The following LRRC27 variants were observed in gnomAD, a reference collection of about 807,000 sequenced individuals.
The protein encoded by LRRC27 is leucine rich repeat containing 27, also known as leucine-rich repeat-containing protein 27.
A neutral mutation model predicts 55.0 loss-of-function variants in LRRC27; 57 were observed. The observed-to-expected ratio is 1.04, with a 90% CI of 0.84 to 1.29. LRRC27 has a LOEUF of 1.29. Ranked by LOEUF, LRRC27 falls within the 50% of genes most tolerant of loss-of-function variation. The probability of loss-of-function intolerance (pLI) is 0.00; values close to 1 mark genes in which losing one functional copy is unlikely to be tolerated. For synonymous variants in LRRC27, 278 were observed against 251.9 expected (o/e 1.10, Z -0.98); for missense variants, 721 against 651.5 (o/e 1.11, Z -1.16).
chr10:132,363,634 C>T (rs1223015016), intron 9 of LRRC27, among the ~76,000 whole-genome samples: 1 of 152,204 alleles, frequency 6.6e-6, no homozygotes, highest in Non-Finnish European at 1.5e-5. Context: ...CGCTGTGGCT[C>T]TCACTGAAAG....
chr10:132,359,454 G>A (rs1273632231), intron 8 of LRRC27, among the ~76,000 whole-genome samples: 2 of 152,204 alleles, frequency 1.3e-5, no homozygotes, highest in Non-Finnish European at 2.9e-5. Context: ...CCTGCAGCTG[G>A]GCAGGAGGAC....
Position 132,375,851 on chromosome 10 carries a change from A to G in LRRC27, c.*609A>G, listed in dbSNP as rs1239417295. On this transcript the variant is annotated 3_prime_UTR_variant, in exon 11 of 11. Coordinates refer to ENST00000368614, the MANE Select transcript of LRRC27 (RefSeq NM_030626.3). ...TACCACTCAGGCTGCCACTCAGTGG[A>G]CTCCACCCCAGGGACACGGCAGGGT... 6.6e-6 allele frequency: 1 copy of G among 151,596 alleles called. No homozygotes were observed. Among genetic ancestry groups the G allele is most frequent in the Non-Finnish European group, 1.5e-5 (1 of 68,060 alleles). The allele number at this position is 151,596 out of a possible 1,614,324, so 9.4% of individuals were successfully genotyped here. A position where few individuals can be genotyped will look rare whatever the true frequency, so the allele number is the denominator to read the frequency against.
At chr10:132,339,980 G>A (rs973644417) in intron 3 of LRRC27, among the ~76,000 whole-genome samples, 4 of 152,136 alleles carry the variant, frequency 2.6e-5, no homozygotes, top group African/African-American at 7.2e-5. Flanking sequence ...CATATTACTC[G>A]GAAATACAAA....
At chr10:132,371,940 G>C (rs996462993) in intron 10 of LRRC27, among the ~76,000 whole-genome samples, 1 of 152,240 alleles carries the variant, frequency 6.6e-6, no homozygotes, top group Admixed American at 6.5e-5. Flanking sequence ...GCTGGCAGGT[G>C]AGCCCTTGTC....
At chr10:132,340,129 A>G (rs1043642517) in intron 3 of LRRC27, among the ~76,000 whole-genome samples, 7 of 152,200 alleles carry the variant, frequency 4.6e-5, no homozygotes, top group Admixed American at 2.6e-4. Context: ...GGATCCGTTC[A>G]TTTACCTCCT....
intron 9 of LRRC27, among the ~76,000 whole-genome samples, chr10:132,363,912 C>T (rs1462546696): frequency 6.6e-6 from 1 of 152,008 alleles, no homozygotes; most frequent in East Asian, 1.9e-4. Flanking sequence ...TCTCGAAGGC[C>T]AACTAGGTTG....
At chr10:132,341,987 C>CA (rs1452320929) in intron 3 of LRRC27, among the ~76,000 whole-genome samples, 3 of 152,200 alleles carry the variant, frequency 2.0e-5, no homozygotes, top group Non-Finnish European at 4.4e-5. Flanking sequence ...CAGGGGACAC[C>CA]ACCACCCCTA....
In LRRC27 at chr10:132,364,379, ACACTTACACCCACC is replaced by A. The variant is rs1564852953; in HGVS notation, c.1290-1043_1290-1030del. On this transcript the variant is annotated intron_variant, in intron 9 of 10. Transcript: ENST00000368614. ...TCCACACCCGCGCTTACACCCACCC[ACACTTACACCCACC>A]CTTACATCTACCTCCACACCCGCGC... Among the ~76,000 whole-genome samples the A allele has an allele frequency of 2.6e-3, 120 of 46,732 alleles. 7 individuals are homozygous for A. Among genetic ancestry groups the A allele is most frequent in the African/African-American group, 9.7e-3 (108 of 11,114 alleles). 30.7% of individuals were successfully genotyped at this position (46,732 alleles called of 152,430 possible). A position where few individuals can be genotyped will look rare whatever the true frequency, so the allele number is the denominator to read the frequency against.
At chr10:132,340,649 T>C (rs1333942297) in intron 3 of LRRC27, among the ~76,000 whole-genome samples, 1 of 152,162 alleles carries the variant, frequency 6.6e-6, no homozygotes, top group Non-Finnish European at 1.5e-5. Flanking sequence ...AAAAGTTTGC[T>C]TCATAAAGTT....
chr10:132,345,388 C>G (rs1490688481), intron 5 of LRRC27, among the ~76,000 whole-genome samples: 2 of 152,204 alleles, frequency 1.3e-5, no homozygotes, highest in African/African-American at 4.8e-5. Context: ...TGGGTTAGGT[C>G]TTCGTAAATA....
rs568058609 is a variant in LRRC27, at chr10:132,352,289, C to T, written c.1073+536C>T. 4.0e-4 allele frequency among the ~76,000 whole-genome samples: 19 copies of T among 47,060 alleles called. 2 individuals are homozygous for T. The highest frequency in any genetic ancestry group is 1.7e-3 in the African/African-American group (17 of 10,150). The allele number at this position is 47,060 out of a possible 152,430, so 30.9% of individuals were successfully genotyped here. ...CCCTTGTTTGTAGCCCCGAGGCCTCCGGGTGGGGCAGGCGCAGGTGCAGCG... is the reference window on the plus strand; with the variant it reads ...CCCTTGTTTGTAGCCCCGAGGCCTCTGGGTGGGGCAGGCGCAGGTGCAGCG... On this transcript the variant is annotated intron_variant, in intron 7 of 10. Transcript: ENST00000368614.
At chr10:132,340,324 G>A (rs2067347662) in intron 3 of LRRC27, among the ~76,000 whole-genome samples, 1 of 152,168 alleles carries the variant, frequency 6.6e-6, no homozygotes, top group Non-Finnish European at 1.5e-5. Context: ...AACCCGTGCT[G>A]TACTTTCAGG....
upstream of LRRC27, chr10:132,331,369 C>G (rs1444373613): frequency 2.0e-6 from 3 of 1,506,662 alleles, no homozygotes; most frequent in Non-Finnish European, 2.7e-6. Context: ...ACGCGAGCAC[C>G]TCCCCTCCCG....
chr10:132,342,269 T>C lies in LRRC27; in HGVS notation c.398T>C (p.Leu133Pro), dbSNP rs2067451418. Residue 133 changes from leucine (L) to proline (P), a missense_variant and splice_region_variant, in exon 4 of 11, where the codon CTG becomes CCG. Transcript: ENST00000368614. ...RNPIKMLPVE[L>P]GSVTTLKALN... ...CCTATCAAAATGTTACCTGTGGAGC[T>C]GGGTAAGTATAAAATAATAAAAAGA... 2.6e-6 allele frequency: 4 copies of C among 1,524,438 alleles called. No homozygotes were observed. The South Asian group carries it at 4.9e-5, about 19-fold the overall frequency. The allele number at this position is 1,524,438 out of a possible 1,614,324, so 94.4% of individuals were successfully genotyped here. A position where few individuals can be genotyped will look rare whatever the true frequency, so the allele number is the denominator to read the frequency against.
chr10:132,333,314 CTTTT>C (rs10690076), intron 1 of LRRC27, among the ~76,000 whole-genome samples, 159 bp from the exon 2 acceptor site: 12 of 149,262 alleles, frequency 8.0e-5, no homozygotes, highest in Non-Finnish European at 1.6e-4. Flanking sequence ...CTTTGTATTC[CTTTT>C]TTTTTTTTTT....
At position 132,342,230 on chromosome 10, in the gene LRRC27, T is replaced by C; in HGVS notation, c.359T>C (p.Leu120Pro). The C allele has an allele frequency of 1.3e-6, 2 of 1,554,450 alleles. No homozygotes were observed. The highest frequency in any genetic ancestry group is 1.2e-5 in the South Asian group (1 of 83,392). The change falls in exon 4 of 11, where the codon CTT (leucine) becomes CCT (proline). Residue 120 changes from leucine to proline, a missense_variant. By Grantham distance (98) the Leu-to-Pro change is moderately conservative. Transcript: ENST00000368614. ...IGAHQHLKTL[L>P]LERNPIKMLP... ...CTTTAAAGGCATTTGAAAACTTTGC[T>C]TTTAGAAAGAAATCCTATCAAAATG...
intron 3 of LRRC27, among the ~76,000 whole-genome samples, chr10:132,338,875 A>G (rs1458272239): frequency 6.6e-6 from 1 of 151,836 alleles, no homozygotes; most frequent in Non-Finnish European, 1.5e-5. Context: ...ATGCCCGGCT[A>G]ATTTTTGCAT....
rs2069365332 is a variant in LRRC27, at chr10:132,378,409, T to C, written c.*3167T>C. 1 of 151,818 alleles carries C rather than the reference T, an allele frequency of 6.6e-6. No homozygotes were observed. Among genetic ancestry groups the C allele is most frequent in the Non-Finnish European group, 1.5e-5 (1 of 67,964 alleles). 9.4% of individuals were successfully genotyped at this position (151,818 alleles called of 1,614,324 possible). A position where few individuals can be genotyped will look rare whatever the true frequency, so the allele number is the denominator to read the frequency against. ...AATTCTTAGCCATTTTTTTTTTTTTTACTATTTTTTCCCCTGTTCTCCCTC... is the reference window on the plus strand; with the variant it reads ...AATTCTTAGCCATTTTTTTTTTTTTCACTATTTTTTCCCCTGTTCTCCCTC... On this transcript the variant is annotated 3_prime_UTR_variant, in exon 11 of 11. Coordinates refer to ENST00000368614, the MANE Select transcript of LRRC27 (RefSeq NM_030626.3).
In LRRC27 at chr10:132,372,343, A is replaced by G. The variant is rs1026467440; in HGVS notation, c.1417-2723A>G. ...GCACTTTGGGAGGCCAAGGCAGGTG[A>G]ATCACCTGAGGTCAGGAGTTTGAGA... is the stretch of plus-strand genomic sequence containing the variant. On this transcript the variant is annotated intron_variant, in intron 10 of 10. Transcript: ENST00000368614. This position sits in a 1 kb window ranked among gnomAD's most constrained non-coding sequence, Gnocchi z 4.0. 6.6e-6 allele frequency among the ~76,000 whole-genome samples: 1 copy of G among 152,176 alleles called. No individual in the cohort carries two copies.
Sources: gnomAD v4.1 joint callset for allele counts (sites outside exome capture counted in the v4.1 genomes callset) on GRCh38, gnomAD v4.1.1 for gene constraint, Gnocchi (gnomAD v3.1) non-coding constraint, MANE v1.5 for transcripts, NCBI Gene and HGNC (gene_info 2026-07-23, HGNC 2026-07-21) for gene names.